ANAPC7: variants seen among roughly 807,000 people sequenced by gnomAD.
ANAPC7 encodes anaphase promoting complex subunit 7.
Under a neutral mutation model 63.3 loss-of-function variants are expected in ANAPC7, and 25 were observed. That is an observed-to-expected ratio of 0.39 (90% CI 0.29 to 0.55). The LOEUF is 0.55. Ranked by LOEUF, ANAPC7 falls within the 20% of genes least tolerant of loss-of-function variation. The pLI, the probability that ANAPC7 is intolerant of heterozygous loss-of-function variation, is 0.57. For missense variants in ANAPC7, 516 were observed against 691.7 expected (o/e 0.75, Z 2.85); for synonymous variants, 241 against 251.7 (o/e 0.96, Z 0.40).
At chr12:110,383,176 C>A (rs1344862604) in intron 6 of ANAPC7, 1 of 461,270 alleles carries the variant, frequency 2.2e-6, no homozygotes, top group Non-Finnish European at 3.9e-6. Flanking sequence ...CAGTGGCTCA[C>A]ACCTGTAATT....
At chr12:110,380,594 T>C (rs1227629990) in intron 8 of ANAPC7, among the ~76,000 whole-genome samples, 1 of 141,968 alleles carries the variant, frequency 7.0e-6, no homozygotes, top group Non-Finnish European at 1.5e-5. Context: ...GAGGTTGCAA[T>C]GAGCCAAGAT....
At chr12:110,396,528 T>TA in intron 1 of ANAPC7, 76 bp from the exon 2 acceptor site, 1 of 1,135,178 alleles carries the variant, frequency 8.8e-7, no homozygotes, top group Non-Finnish European at 1.2e-6. Context: ...TTTTTTTTTT[T>TA]GAAATAGATT....
chr12:110,393,912 C>A (rs1438193443), intron 3 of ANAPC7, among the ~76,000 whole-genome samples: 1 of 150,652 alleles, frequency 6.6e-6, no homozygotes, highest in African/African-American at 2.4e-5. Context: ...GTGGCTCACG[C>A]CTGTAATCCT....
intron 7 of ANAPC7, among the ~76,000 whole-genome samples, chr12:110,382,461 A>AAAAAATAT (rs1555289541): frequency 5.5e-4 from 17 of 30,842 alleles, no homozygotes; most frequent in Non-Finnish European, 9.2e-4. Context: ...AAAAAAAAAA[A>AAAAAATAT]ATATATATAT....
chr12:110,395,637 G>C (rs1244702528), intron 2 of ANAPC7, among the ~76,000 whole-genome samples: 1 of 150,908 alleles, frequency 6.6e-6, no homozygotes, highest in African/African-American at 2.4e-5. Flanking sequence ...CTGTCACCCA[G>C]GCTGGTGTCT....
chr12:110,375,976 T>C (rs1881229844), intron 10 of ANAPC7, 90 bp downstream of exon 10: 20 of 1,425,614 alleles, frequency 1.4e-5, no homozygotes, highest in Non-Finnish European at 1.8e-5. Flanking sequence ...GGACACAAAG[T>C]GTGTGTGTGT....
At chr12:110,377,073 G>A (rs1881354467) in intron 9 of ANAPC7, among the ~76,000 whole-genome samples, 1 of 150,300 alleles carries the variant, frequency 6.7e-6, no homozygotes, top group African/African-American at 2.5e-5. Flanking sequence ...GGAGGCGGAG[G>A]TTGCAGTGAG....
intron 8 of ANAPC7, chr12:110,379,284 T>G (rs752471810): frequency 2.0e-5 from 3 of 152,218 alleles, no homozygotes; most frequent in Non-Finnish European, 4.4e-5. Flanking sequence ...CAGAATGCAC[T>G]TGCCTAACCT....
At chr12:110,375,086 T>C (rs1221114343) in intron 10 of ANAPC7, among the ~76,000 whole-genome samples, 1 of 152,214 alleles carries the variant, frequency 6.6e-6, no homozygotes, top group African/African-American at 2.4e-5. Context: ...CTTCTGAGAT[T>C]CTAAAAAGCA....
intron 6 of ANAPC7, among the ~76,000 whole-genome samples, chr12:110,384,638 T>G (rs1882283741): frequency 6.7e-6 from 1 of 149,678 alleles, no homozygotes; most frequent in Non-Finnish European, 1.5e-5. Flanking sequence ...GAGCCGAGAT[T>G]GCACCACTGC....
intron 8 of ANAPC7, 71 bp downstream of exon 8, chr12:110,381,681 T>C: frequency 6.7e-7 from 1 of 1,486,348 alleles, no homozygotes; most frequent in South Asian, 1.2e-5. Flanking sequence ...GCTGGCCTAA[T>C]GAAACCTTCC....
At chr12:110,396,064 T>G (rs56251637) in intron 2 of ANAPC7, among the ~76,000 whole-genome samples, 21,194 of 152,112 alleles carry the variant, frequency 0.14, 2,173 homozygotes, top group African/African-American at 0.29. Context: ...ATAGGGTTTG[T>G]GTTCCTATAA....
chr12:110,378,314 G>A (rs1451319074), intron 8 of ANAPC7, among the ~76,000 whole-genome samples: 2 of 152,122 alleles, frequency 1.3e-5, no homozygotes, highest in East Asian at 1.9e-4. Flanking sequence ...GGCTGCTCTC[G>A]AACTCCTGAC....
intron 2 of ANAPC7, 54 bp downstream of exon 2, chr12:110,396,212 T>C: frequency 6.6e-7 from 1 of 1,518,448 alleles, no homozygotes; most frequent in Non-Finnish European, 9.0e-7. Flanking sequence ...TTCTAAATTC[T>C]TGGAGTCTTT....
At chr12:110,403,312 G>T (rs990384484) in intron 1 of ANAPC7, among the ~76,000 whole-genome samples, 3 of 152,124 alleles carry the variant, frequency 2.0e-5, no homozygotes, top group Non-Finnish European at 2.9e-5. Flanking sequence ...CCAAGCCGCC[G>T]CTCGCCACAT....
intron 9 of ANAPC7, among the ~76,000 whole-genome samples, chr12:110,376,740 T>C (rs1592892223): frequency 7.1e-6 from 1 of 141,664 alleles, no homozygotes; most frequent in South Asian, 2.2e-4. Flanking sequence ...CGGGAAGTCA[T>C]AAAATCATCC....
intron 3 of ANAPC7, among the ~76,000 whole-genome samples, chr12:110,390,813 A>G (rs555512860): frequency 6.6e-6 from 1 of 152,348 alleles, no homozygotes; most frequent in Admixed American, 6.5e-5. Flanking sequence ...CTGATGGACT[A>G]TCTTTCTCAA....
intron 6 of ANAPC7, among the ~76,000 whole-genome samples, chr12:110,383,875 CAAAAAAAAAAAAAAAA>C (rs1159374781): frequency 2.0e-5 from 1 of 50,678 alleles, no homozygotes; most frequent in South Asian, 8.5e-4. Context: ...GACTCCGTCT[CAAAAAAAAAAAAAAAA>C]AAAAAAAGAA....
intron 7 of ANAPC7, 66 bp downstream of exon 7, chr12:110,382,777 T>C: frequency 7.3e-7 from 1 of 1,365,012 alleles, no homozygotes; most frequent in Non-Finnish European, 1.0e-6. Context: ...TTATATTCTC[T>C]TCAAGAGCAA....
Sources: gnomAD v4.1 joint callset for allele counts (sites outside exome capture counted in the v4.1 genomes callset) on GRCh38, gnomAD v4.1.1 for gene constraint, MANE v1.5 for transcripts, NCBI Gene and HGNC (gene_info 2026-07-23, HGNC 2026-07-21) for gene names.